Variants in PIM2 observed in about 807,000 individuals in gnomAD.
PIM2 encodes the protein Pim-2 proto-oncogene, serine/threonine kinase.
PIM2 carries 3 observed loss-of-function variants against 18.0 expected under a neutral mutation model. The observed-to-expected ratio is 0.17, with a 90% CI of 0.08 to 0.43. PIM2 has a LOEUF of 0.43. PIM2 is among the 20% of genes least tolerant of loss of function. The pLI, the probability that PIM2 is intolerant of heterozygous loss-of-function variation, is 0.99. For missense variants in PIM2, 181 were observed against 260.8 expected (o/e 0.69, Z 2.11); for synonymous variants, 117 against 105.3 (o/e 1.11, Z -0.68).
At position 48,914,940 on chromosome X, in the gene PIM2, A is replaced by ACACCC. The variant is rs782238893; in HGVS notation, c.595+75_595+79dup. 10 of 898,327 alleles carry ACACCC rather than the reference A, an allele frequency of 1.1e-5. No individual in the cohort carries two copies. In the African/African-American group the frequency reaches 1.8e-4, roughly 16 times the overall value. 74.0% of individuals were successfully genotyped at this position (898,327 alleles called of 1,213,427 possible). On this transcript the variant is annotated intron_variant, in intron 4 of 5. Coordinates refer to ENST00000376509, the MANE Select transcript of PIM2 (RefSeq NM_006875.4). ...TGCAGTATGGGTCAAGGATTACAGG[A>ACACCC]CACCCCACCACTGGAGGCCAAAGGT...
chrX:48,915,233 A>G lies in PIM2; in HGVS notation c.382T>C (p.Tyr128His). 8.3e-7 allele frequency: 1 copy of G among 1,211,724 alleles called. No homozygotes were observed. The highest frequency in any genetic ancestry group is 3.0e-5 in the East Asian group (1 of 33,851). The change falls in exon 4 of 6, where the codon TAT becomes CAT. Residue 128 changes from tyrosine (Y) to histidine (H), a missense_variant. Coordinates refer to ENST00000376509, the MANE Select transcript of PIM2 (RefSeq NM_006875.4). ...RPLPAQDLFD[Y>H]ITEKGPLGEG... ...CCCAGTGGGCCCTTCTCTGTGATAT[A>G]GTCAAAGAGATCCTGGGCGGGCAAA...
At chrX:48,918,698 C>T in intron 1 of PIM2, 53 bp from the exon 2 acceptor site, 1 of 1,120,238 alleles carries the variant, frequency 8.9e-7, no homozygotes, top group African/African-American at 1.8e-5. Context: ...AGCCCAGCCA[C>T]GACTCCCTCC....
At position 48,919,008 on chromosome X, in the gene PIM2, C is replaced by G. The variant is rs1557045664; in HGVS notation, c.-174G>C. 1 of 432,002 alleles carries G rather than the reference C, an allele frequency of 2.3e-6. No individual in the cohort carries two copies. Among genetic ancestry groups the G allele is most frequent in the African/African-American group, 2.6e-5 (1 of 38,184 alleles). The allele number at this position is 432,002 out of a possible 1,213,427, so 35.6% of individuals were successfully genotyped here. A position where few individuals can be genotyped will look rare whatever the true frequency, so the allele number is the denominator to read the frequency against. ...GCAGCGTTGAGATTCGCCGCGCGCG[C>G]CAGCCCCAATGCTACTGAGCCTGGG... is the stretch of plus-strand genomic sequence containing the variant. On this transcript the variant is annotated 5_prime_UTR_variant, in exon 1 of 6. Transcript: ENST00000376509.
chrX:48,915,252 G>C lies in PIM2; in HGVS notation c.363C>G (p.Pro121=). 1 of 1,211,974 alleles carries C rather than the reference G, an allele frequency of 8.3e-7. No individual in the cohort carries two copies. The highest frequency in any genetic ancestry group is 1.1e-6 in the Non-Finnish European group (1 of 895,488). ...TGATATAGTCAAAGAGATCCTGGGC[G>C]GGCAAAGGCCGCTCGAGGACCAGCA... is the stretch of plus-strand genomic sequence containing the variant. ...GFMLVLERPL[P]AQDLFDYITE... Residue 121 remains proline (P), a synonymous_variant, in exon 4 of 6, where the codon CCC becomes CCG. Coordinates refer to ENST00000376509, the MANE Select transcript of PIM2 (RefSeq NM_006875.4).
At position 48,917,106 on chromosome X, in the gene PIM2, G is replaced by A. The variant is rs190858560; in HGVS notation, c.222+675C>T. On this transcript the variant is annotated intron_variant, in intron 3 of 5. Coordinates refer to ENST00000376509, the MANE Select transcript of PIM2 (RefSeq NM_006875.4). ...GGAGACGGAGGTTGCAGTGAGCCGA[G>A]ATCGCGTCACCTCACTCCAGCCTGG... Among the ~76,000 whole-genome samples, 944 of 109,738 alleles carry A rather than the reference G, an allele frequency of 8.6e-3. 6 individuals are homozygous for A. The highest frequency in any genetic ancestry group is 0.014 in the Non-Finnish European group (740 of 52,493).
In PIM2 at chrX:48,913,554, CAAAAAAAAAAAAA is replaced by C. The variant is rs34080117; in HGVS notation, c.*564_*576del. On this transcript the variant is annotated 3_prime_UTR_variant, in exon 6 of 6. Transcript: ENST00000376509. ...GATAACAGAGTAGGGTCCCCTCACC[CAAAAAAAAAAAAA>C]AAAAAAAGAAGCCTTGGGGTAACAA... 1 of 62,290 alleles carries C rather than the reference CAAAAAAAAAAAAA, an allele frequency of 1.6e-5. No individual in the cohort carries two copies. Among genetic ancestry groups the C allele is most frequent in the Non-Finnish European group, 2.8e-5 (1 of 35,210 alleles). 5.1% of individuals were successfully genotyped at this position (62,290 alleles called of 1,213,427 possible).
At chrX:48,918,507 G>C (rs371625560) in intron 2 of PIM2, 29 bp downstream of exon 2, 7 of 1,081,019 alleles carry the variant, frequency 6.5e-6, no homozygotes, top group Non-Finnish European at 8.9e-6. Flanking sequence ...ACACGCACCT[G>C]ACCCTCCCAA....
intron 3 of PIM2, among the ~76,000 whole-genome samples, chrX:48,916,571 G>A (rs1340760657): frequency 8.1e-5 from 9 of 110,526 alleles, no homozygotes; most frequent in Admixed American, 2.9e-4. Flanking sequence ...ATTAGAGGCC[G>A]GGCGCGGTGG....
chrX:48,918,988 G>A lies in PIM2; in HGVS notation c.-154C>T, dbSNP rs1362517593. The A allele has an allele frequency of 1.1e-5, 5 of 460,150 alleles. No homozygotes were observed. The highest frequency in any genetic ancestry group is 9.3e-5 in the Admixed American group (2 of 21,476). 37.9% of individuals were successfully genotyped at this position (460,150 alleles called of 1,213,427 possible). On this transcript the variant is annotated 5_prime_UTR_variant, in exon 1 of 6. In the 5' UTR this introduces an upstream ATG that the reference lacks. Coordinates refer to ENST00000376509, the MANE Select transcript of PIM2 (RefSeq NM_006875.4). ...CGGAAGCGCCCGCAGACGGCGCAGCGTTGAGATTCGCCGCGCGCGCCAGCC... is the reference window on the plus strand; with the variant it reads ...CGGAAGCGCCCGCAGACGGCGCAGCATTGAGATTCGCCGCGCGCGCCAGCC...
Position 48,918,953 on chromosome X carries a change from A to C in PIM2, c.-119T>G. 1.7e-6 allele frequency: 1 copy of C among 595,876 alleles called. No individual in the cohort carries two copies. 49.1% of individuals were successfully genotyped at this position (595,876 alleles called of 1,213,427 possible). ...GGGCGCCAGGGTGGAAAGCAGAGAAACTGGTGGCCCGGAAGCGCCCGCAGA... is the reference window on the plus strand; with the variant it reads ...GGGCGCCAGGGTGGAAAGCAGAGAACCTGGTGGCCCGGAAGCGCCCGCAGA... On this transcript the variant is annotated 5_prime_UTR_variant, in exon 1 of 6. Coordinates refer to ENST00000376509, the MANE Select transcript of PIM2 (RefSeq NM_006875.4).
chrX:48,918,790 G>A lies in PIM2; in HGVS notation c.45C>T (p.Thr15=), dbSNP rs976744101. 2 of 1,192,299 alleles carry A rather than the reference G, an allele frequency of 1.7e-6. No individual in the cohort carries two copies. Among genetic ancestry groups the A allele is most frequent in the African/African-American group, 1.8e-5 (1 of 56,029 alleles). The part of the protein sequence containing the change: ...PLQGPPAPPG[T]PTPPPGGKDR... The stretch of plus-strand genomic sequence containing the variant: ...TGTACTCACCTGGCGGCGGCGTGGG[G>A]GTCCCGGGGGGCGCGGGAGGCCCCT... The change falls in exon 1 of 6, where the codon ACC becomes ACT. Residue 15 remains threonine (T), a synonymous_variant. Coordinates refer to ENST00000376509, the MANE Select transcript of PIM2 (RefSeq NM_006875.4).
At chrX:48,916,880 C>T (rs1161888277) in intron 3 of PIM2, among the ~76,000 whole-genome samples, 1 of 108,838 alleles carries the variant, frequency 9.2e-6, no homozygotes, top group African/African-American at 3.4e-5. Flanking sequence ...TGCAGCCGGG[C>T]GTGGTGGCTC....
rs2063557104 is a variant in PIM2, at chrX:48,914,263, G to A, written c.804C>T (p.Ala268=). 2 of 1,207,180 alleles carry A rather than the reference G, an allele frequency of 1.7e-6. No individual in the cohort carries two copies. The highest frequency in any genetic ancestry group is 1.8e-5 in the African/African-American group (1 of 56,864). Residue 268 remains alanine (A), a synonymous_variant, in exon 6 of 6, where the codon GCC becomes GCT. Transcript: ENST00000376509. ...GTGAGGGTCGGGAAGAAGGTTTGGG[G>A]GCCAGGCACCGGCGGATTAGGGCAC... ...DCCALIRRCL[A]PKPSSRPSLE... is the part of the protein sequence containing the mutation.
In PIM2 at chrX:48,918,854, T is replaced by C. The variant is rs1467250407; in HGVS notation, c.-20A>G. 8.4e-7 allele frequency: 1 copy of C among 1,185,327 alleles called. No homozygotes were observed. Among genetic ancestry groups the C allele is most frequent in the Non-Finnish European group, 1.1e-6 (1 of 882,559 alleles). ...CAACATGGAGGTGGCGCTGCGCAGA[T>C]TGAGCCCACTGAACCCGCTAAGCCC... On this transcript the variant is annotated 5_prime_UTR_variant, in exon 1 of 6. Transcript: ENST00000376509.
In PIM2 at chrX:48,914,390, C is replaced by A; in HGVS notation, c.772+5G>T. ...TCTTCTGGGCTGGGGTCAGTGAGGC[C>A]TCACCTGGGGAGACATGGGCTGGGA... On this transcript the variant is annotated splice_donor_5th_base_variant and intron_variant, in intron 5 of 5. Transcript: ENST00000376509. 2 of 1,210,967 alleles carry A rather than the reference C, an allele frequency of 1.7e-6. No homozygotes were observed. Among genetic ancestry groups the A allele is most frequent in the Non-Finnish European group, 2.2e-6 (2 of 895,155 alleles).
chrX:48,917,754 G>A, intron 3 of PIM2, 27 bp downstream of exon 3: 1 of 1,173,205 alleles, frequency 8.5e-7, no homozygotes, highest in Admixed American at 2.2e-5. Flanking sequence ...GAGTAGGTAG[G>A]TTAGGAAGGG....
chrX:48,918,564 G>C lies in PIM2; in HGVS notation c.143C>G (p.Ala48Gly), dbSNP rs1557045529. The C allele has an allele frequency of 8.3e-7, 1 of 1,206,221 alleles. No individual in the cohort carries two copies. The highest frequency in any genetic ancestry group is 1.8e-5 in the South Asian group (1 of 56,691). Residue 48 changes from alanine to glycine, a missense_variant, in exon 2 of 6, where the codon GCA becomes GGA. Ala to Gly is a moderately conservative substitution (Grantham distance 60). This residue lies in a region of PIM2 where 104 missense variants were observed against 125.3 expected (regional missense o/e 0.83). Transcript: ENST00000376509. ...GAGTCGATCTGTGAGGCGGTGTCCT[G>C]CGAAGACGGTGCCAAAGCCCCCCTT... The part of the protein sequence containing the change: ...LGKGGFGTVF[A>G]GHRLTDRLQV...
rs1164857963 is a variant in PIM2, at chrX:48,913,250, GAA to G, written c.*879_*880del. The G allele has an allele frequency of 9.0e-6, 1 of 111,046 alleles. No individual in the cohort carries two copies. The highest frequency in any genetic ancestry group is 3.3e-5 in the African/African-American group (1 of 30,385). The allele number at this position is 111,046 out of a possible 1,213,427, so 9.2% of individuals were successfully genotyped here. A position where few individuals can be genotyped will look rare whatever the true frequency, so the allele number is the denominator to read the frequency against. On this transcript the variant is annotated 3_prime_UTR_variant, in exon 6 of 6. Coordinates refer to ENST00000376509, the MANE Select transcript of PIM2 (RefSeq NM_006875.4). ...GGCTTTTTAAATAATCCAGGCAGGA[GAA>G]GAGAGGAGGGCACACTTGGAACTCC...
rs782241572 is a variant in PIM2 at position 48,915,437 on chromosome X, G to C, written c.223-45C>G. On this transcript the variant is annotated intron_variant, in intron 3 of 5. Transcript: ENST00000376509. Reference sequence around the variant, plus strand: ...GGGAAGCAGGGAGAGAAAAAAGACAGATGTCAGGGCAACAGCTCTGAGGCT... The same window carrying C: ...GGGAAGCAGGGAGAGAAAAAAGACACATGTCAGGGCAACAGCTCTGAGGCT... 10 of 1,146,354 alleles carry C rather than the reference G, an allele frequency of 8.7e-6. No homozygotes were observed. In the East Asian group the frequency reaches 3.1e-4, roughly 35 times the overall value. The allele number at this position is 1,146,354 out of a possible 1,213,427, so 94.5% of individuals were successfully genotyped here. A position where few individuals can be genotyped will look rare whatever the true frequency, so the allele number is the denominator to read the frequency against.
Sources: allele counts gnomAD v4.1 joint callset (sites outside exome capture counted in the v4.1 genomes callset), GRCh38; gene constraint gnomAD v4.1.1; regional missense constraint gnomAD v4.1.1; transcripts MANE v1.5; gene names NCBI Gene and HGNC (gene_info 2026-07-23, HGNC 2026-07-21).